Variants in KLF2 observed in about 807,000 individuals in gnomAD.
KLF2 encodes the protein Krueppel-like factor 2.
A neutral mutation model predicts 22.2 loss-of-function variants in KLF2; 9 were observed. That is an observed-to-expected ratio of 0.40 (90% CI 0.24 to 0.71). KLF2 has a LOEUF of 0.71. Ranked by LOEUF, KLF2 falls within the 30% of genes least tolerant of loss-of-function variation. KLF2 has a pLI of 0.35. For synonymous variants in KLF2, 299 were observed against 264.2 expected (o/e 1.13, Z -1.28); for missense variants, 481 against 542.1 (o/e 0.89, Z 1.12).
At position 16,327,091 on chromosome 19, in the gene KLF2, C is replaced by T. The variant is rs1161512818; in HGVS notation, c.*60C>T. 7 of 1,442,472 alleles carry T rather than the reference C, an allele frequency of 4.9e-6. No homozygotes were observed. The highest frequency in any genetic ancestry group is 6.4e-6 in the Non-Finnish European group (7 of 1,086,822). 89.4% of individuals were successfully genotyped at this position (1,442,472 alleles called of 1,614,324 possible). A position where few individuals can be genotyped will look rare whatever the true frequency, so the allele number is the denominator to read the frequency against. On this transcript the variant is annotated 3_prime_UTR_variant, in exon 3 of 3. Coordinates refer to ENST00000248071, the MANE Select transcript of KLF2 (RefSeq NM_016270.4). ...GCGGGTCCCACGCGCCGGGCGCGGC[C>T]CCCTCCCAAACTGTGACTGGTATTT...
Position 16,325,499 on chromosome 19 carries a change from TG to T in KLF2, c.361del (p.Val121SerfsTer20). On this transcript the variant is annotated frameshift_variant, in exon 2 of 3. Coordinates refer to ENST00000248071, the MANE Select transcript of KLF2 (RefSeq NM_016270.4). LOFTEE classifies it high-confidence loss of function. ...GRFLLAPPGR[L>X]VKAEPPEADG... is the part of the protein sequence containing the mutation. ...TTTCTGCTGGCGCCGCCCGGCCGCCTGGTCAAGGCCGAGCCCCCTGAAGCGG... is the reference window on the plus strand; with the variant it reads ...TTTCTGCTGGCGCCGCCCGGCCGCCTGTCAAGGCCGAGCCCCCTGAAGCGG... The T allele has an allele frequency of 7.5e-7, 1 of 1,341,984 alleles. No homozygotes were observed. The highest frequency in any genetic ancestry group is 1.8e-5 in the South Asian group (1 of 56,192). The allele number at this position is 1,341,984 out of a possible 1,614,324, so 83.1% of individuals were successfully genotyped here.
chr19:16,327,005 G>A lies in KLF2; in HGVS notation c.1042G>A (p.Ala348Thr). Residue 348 changes from alanine (A) to threonine (T), a missense_variant, in exon 3 of 3, where the codon GCG becomes ACG. Physicochemically the swap from Ala to Thr is moderately conservative, Grantham distance 58. Around this residue, in one of 2 missense-constraint regions of KLF2, gnomAD observed 60 missense variants for 107.0 expected, o/e 0.56. Transcript: ENST00000248071. ...DRAFSRSDHL[A>T]LHMKRHM ...TGCCTTCTCGCGCTCCGATCACCTG[G>A]CGCTGCACATGAAACGGCACATGTA... 6.2e-7 allele frequency: 1 copy of A among 1,608,898 alleles called. No individual in the cohort carries two copies.
At position 16,325,446 on chromosome 19, in the gene KLF2, G is replaced by T. The variant is rs1289980169; in HGVS notation, c.306G>T (p.Ala102=). ...VSELLRPELD[A]PLGPALHGRF... ...AGCTGCTGCGACCCGAGCTGGATGCGCCGCTGGGGCCCGCACTGCACGGCC... is the reference window on the plus strand; with the variant it reads ...AGCTGCTGCGACCCGAGCTGGATGCTCCGCTGGGGCCCGCACTGCACGGCC... The change falls in exon 2 of 3, where the codon GCG becomes GCT. Residue 102 remains alanine, a synonymous_variant. Transcript: ENST00000248071. 97 of 1,411,212 alleles carry T rather than the reference G, an allele frequency of 6.9e-5. No individual in the cohort carries two copies. Among genetic ancestry groups the T allele is most frequent in the Non-Finnish European group, 8.8e-5 (96 of 1,091,128 alleles). The allele number at this position is 1,411,212 out of a possible 1,614,324, so 87.4% of individuals were successfully genotyped here.
At chr19:16,326,107 G>A (rs2091889269) in intron 2 of KLF2, 75 bp downstream of exon 2, 29 of 1,429,312 alleles carry the variant, frequency 2.0e-5, no homozygotes, top group Non-Finnish European at 2.7e-5. Context: ...GCGCGCGCCA[G>A]AAAATGAATT....
chr19:16,325,071 G>T (rs1275405792), intron 1 of KLF2, 73 bp downstream of exon 1: 2 of 1,405,020 alleles, frequency 1.4e-6, no homozygotes, highest in East Asian at 5.2e-5. Context: ...CGTGGGCTGC[G>T]GGGTGACAGG....
In KLF2 at chr19:16,328,407, C is replaced by A. The variant is rs1380347052; in HGVS notation, c.*1376C>A. On this transcript the variant is annotated 3_prime_UTR_variant, in exon 3 of 3. Coordinates refer to ENST00000248071, the MANE Select transcript of KLF2 (RefSeq NM_016270.4). ...TCCCCCCAGATTTCACCTGCCACCC[C>A]TCACCTTCCCCATTCTCAGGGGCCC... 6.6e-6 allele frequency among the ~76,000 whole-genome samples: 1 copy of A among 152,156 alleles called. No homozygotes were observed. The highest frequency in any genetic ancestry group is 1.9e-4 in the East Asian group (1 of 5,202).
chr19:16,327,852 AAAC>A lies in KLF2; in HGVS notation c.*822_*824del, dbSNP rs1269302501. ...GGCCTCCTCTACGTTGAAAAAAATA[AAAC>A]TACTTACCTCTTCCTGGAAGCCTCT... On this transcript the variant is annotated 3_prime_UTR_variant, in exon 3 of 3. Coordinates refer to ENST00000248071, the MANE Select transcript of KLF2 (RefSeq NM_016270.4). The A allele has an allele frequency of 2.6e-5, 4 of 152,126 alleles. 1 individual carries two copies. The highest frequency in any genetic ancestry group is 9.7e-5 in the African/African-American group (4 of 41,408). 9.4% of individuals were successfully genotyped at this position (152,126 alleles called of 1,614,324 possible).
Position 16,326,746 on chromosome 19 carries a change from CG to C in KLF2, c.893-106del. The C allele has an allele frequency of 5.5e-6, 6 of 1,082,290 alleles. No homozygotes were observed. The South Asian group carries it at 8.8e-5, about 16-fold the overall frequency. The allele number at this position is 1,082,290 out of a possible 1,614,324, so 67.0% of individuals were successfully genotyped here. On this transcript the variant is annotated intron_variant, in intron 2 of 2. Transcript: ENST00000248071. Reference sequence around the variant, plus strand: ...ATCCCTCAGGGGCGCAACACTACCGCGGGGAGCGCGTCAAGGCCCTGGTTAG... The same window carrying C: ...ATCCCTCAGGGGCGCAACACTACCGCGGGAGCGCGTCAAGGCCCTGGTTAG...
rs1326070947 is a variant in KLF2 at position 16,325,863 on chromosome 19, T to C, written c.723T>C (p.Gly241=). The change falls in exon 2 of 3, where the codon GGT becomes GGC. Residue 241 remains glycine (G), a synonymous_variant. Coordinates refer to ENST00000248071, the MANE Select transcript of KLF2 (RefSeq NM_016270.4). The part of the protein sequence containing the change: ...ALGLAPPAAR[G]LLTPPASPLE... ...GCCTGGCGCCCCCCGCCGCCCGCGG[T>C]CTCCTCACGCCGCCTGCGTCCCCGC... is the stretch of plus-strand genomic sequence containing the variant. The C allele has an allele frequency of 5.6e-6, 8 of 1,427,576 alleles. No individual in the cohort carries two copies. The Admixed American group carries it at 2.1e-4, about 37-fold the overall frequency. 88.4% of individuals were successfully genotyped at this position (1,427,576 alleles called of 1,614,324 possible).
In KLF2 at chr19:16,324,981, G is replaced by A; in HGVS notation, c.58G>A (p.Glu20Lys). ...SFSTFASPCR[E>K]RGLQERWPRA... ...CTCCACTTTCGCCAGCCCGTGCCGC[G>A]AGCGCGGCCTGCAGGAGGTGAGGGC... is the stretch of plus-strand genomic sequence containing the variant. Residue 20 changes from glutamate to lysine, a missense_variant, in exon 1 of 3, where the codon GAG becomes AAG. By Grantham distance (56) the Glu-to-Lys change is moderately conservative (BLOSUM62 1). Transcript: ENST00000248071. 1 of 1,600,692 alleles carries A rather than the reference G, an allele frequency of 6.2e-7. No homozygotes were observed. Among genetic ancestry groups the A allele is most frequent in the Non-Finnish European group, 8.5e-7 (1 of 1,174,880 alleles).
Position 16,325,745 on chromosome 19 carries a change from T to C in KLF2, c.605T>C (p.Phe202Ser). 8.2e-7 allele frequency: 1 copy of C among 1,219,830 alleles called. No individual in the cohort carries two copies. Among genetic ancestry groups the C allele is most frequent in the Non-Finnish European group, 1.0e-6 (1 of 983,840 alleles). 75.6% of individuals were successfully genotyped at this position (1,219,830 alleles called of 1,614,324 possible). Residue 202 changes from phenylalanine (F) to serine (S), a missense_variant, in exon 2 of 3, where the codon TTC (phenylalanine) becomes TCC (serine). Phe to Ser is a radical substitution (Grantham distance 155). Transcript: ENST00000248071. ...CCGCCGCCTTTCGGTGGCCCTGGTT[T>C]CGGCGCGCCCGGGCCCGGCCTGCAT... ...SFPPPFGGPG[F>S]GAPGPGLHYA... is the part of the protein sequence containing the mutation.
Position 16,325,659 on chromosome 19 carries a change from A to C in KLF2, c.519A>C (p.Thr173=). The part of the protein sequence containing the change: ...PGGRPPPPPD[T]PPLSPDGPAR... Reference sequence around the variant, plus strand: ...GCCGCCCCCCGCCGCCGCCCGACACACCGCCGCTCAGCCCCGACGGCCCCG... The same window carrying C: ...GCCGCCCCCCGCCGCCGCCCGACACCCCGCCGCTCAGCCCCGACGGCCCCG... The change falls in exon 2 of 3, where the codon ACA becomes ACC. Residue 173 remains threonine, a synonymous_variant. Transcript: ENST00000248071. 9.3e-7 allele frequency: 1 copy of C among 1,074,434 alleles called. No homozygotes were observed. The highest frequency in any genetic ancestry group is 1.1e-6 in the Non-Finnish European group (1 of 892,642). 66.6% of individuals were successfully genotyped at this position (1,074,434 alleles called of 1,614,324 possible). A position where few individuals can be genotyped will look rare whatever the true frequency, so the allele number is the denominator to read the frequency against.
Position 16,325,744 on chromosome 19 carries a change from T to G in KLF2, c.604T>G (p.Phe202Val), listed in dbSNP as rs2091887675. ...SFPPPFGGPGFGAPGPGLHYA... is the reference protein window; with the variant it reads ...SFPPPFGGPGVGAPGPGLHYA... ...CCCGCCGCCTTTCGGTGGCCCTGGT[T>G]TCGGCGCGCCCGGGCCCGGCCTGCA... The change falls in exon 2 of 3, where the codon TTC becomes GTC. Residue 202 changes from phenylalanine to valine, a missense_variant. Transcript: ENST00000248071. 50 of 1,218,678 alleles carry G rather than the reference T, an allele frequency of 4.1e-5. No individual in the cohort carries two copies. Among genetic ancestry groups the G allele is most frequent in the Non-Finnish European group, 4.9e-5 (48 of 983,280 alleles). The allele number at this position is 1,218,678 out of a possible 1,614,324, so 75.5% of individuals were successfully genotyped here.
chr19:16,325,329 G>GCCGCCGCCGCCGCCC lies in KLF2; in HGVS notation c.198_212dup (p.Pro67_Pro71dup), dbSNP rs2091885102. 5 of 1,463,064 alleles carry GCCGCCGCCGCCGCCC rather than the reference G, an allele frequency of 3.4e-6. No homozygotes were observed. Among genetic ancestry groups the GCCGCCGCCGCCGCCC allele is most frequent in the Non-Finnish European group, 4.5e-6 (5 of 1,112,304 alleles). 90.6% of individuals were successfully genotyped at this position (1,463,064 alleles called of 1,614,324 possible). A position where few individuals can be genotyped will look rare whatever the true frequency, so the allele number is the denominator to read the frequency against. ...GCCTGGGCGCCGAGGCCGCCCCGGA[G>GCCGCCGCCGCCGCCC]CCGCCGCCGCCGCCCCCGCCGCCTG... On this transcript the variant is annotated inframe_insertion, in exon 2 of 3. Transcript: ENST00000248071.
At position 16,325,709 on chromosome 19, in the gene KLF2, G is replaced by T. The variant is rs1169935730; in HGVS notation, c.569G>T (p.Arg190Leu). Residue 190 changes from arginine (R) to leucine (L), a missense_variant, in exon 2 of 3, where the codon CGC (arginine) becomes CTC (leucine). Arg to Leu is a moderately radical substitution (Grantham distance 102). This residue lies in a region of KLF2 where 421 missense variants were observed against 435.1 expected (regional missense o/e 0.97). Coordinates refer to ENST00000248071, the MANE Select transcript of KLF2 (RefSeq NM_016270.4). ...GPARLPAPGP[R>L]ASFPPPFGGP... ...GCGCGCCTGCCCGCGCCCGGTCCGC[G>T]CGCCTCCTTCCCGCCGCCTTTCGGT... The T allele has an allele frequency of 2.5e-6, 3 of 1,176,564 alleles. No homozygotes were observed. Among genetic ancestry groups the T allele is most frequent in the Non-Finnish European group, 3.1e-6 (3 of 956,164 alleles). The allele number at this position is 1,176,564 out of a possible 1,614,324, so 72.9% of individuals were successfully genotyped here. A position where few individuals can be genotyped will look rare whatever the true frequency, so the allele number is the denominator to read the frequency against.
rs2091893453 is a variant in KLF2, at chr19:16,327,347, G to A, written c.*316G>A. ...GATCGAGGCTTGTGATGCCTTGTGAGAAATAAGGGCCTTAATTTGTACTGT... is the reference window on the plus strand; with the variant it reads ...GATCGAGGCTTGTGATGCCTTGTGAAAAATAAGGGCCTTAATTTGTACTGT... On this transcript the variant is annotated 3_prime_UTR_variant, in exon 3 of 3. Coordinates refer to ENST00000248071, the MANE Select transcript of KLF2 (RefSeq NM_016270.4). The A allele has an allele frequency of 3.3e-6, 1 of 299,398 alleles. No homozygotes were observed. The highest frequency in any genetic ancestry group is 2.2e-5 in the African/African-American group (1 of 45,710). The allele number at this position is 299,398 out of a possible 1,614,324, so 18.5% of individuals were successfully genotyped here. A position where few individuals can be genotyped will look rare whatever the true frequency, so the allele number is the denominator to read the frequency against.
Position 16,328,142 on chromosome 19 carries a change from G to T in KLF2, c.*1111G>T, listed in dbSNP as rs1188946828. ...GCAGGGTGGTGGAGTTGGGTTGTTA[G>T]CCTGCTCTGTCTGCCTCCAAGGGTC... On this transcript the variant is annotated 3_prime_UTR_variant, in exon 3 of 3. Transcript: ENST00000248071. 6.6e-6 allele frequency among the ~76,000 whole-genome samples: 1 copy of T among 152,078 alleles called. No homozygotes were observed.
In KLF2 at chr19:16,324,840, G is replaced by T; in HGVS notation, c.-84G>T. On this transcript the variant is annotated 5_prime_UTR_variant, in exon 1 of 3. Transcript: ENST00000248071. Reference sequence around the variant, plus strand: ...GGCCGCGGCCCACAGAGCCGTCCCCGCCCGCCCGCGCCCCGACCAGCCCGG... The same window carrying T: ...GGCCGCGGCCCACAGAGCCGTCCCCTCCCGCCCGCGCCCCGACCAGCCCGG... 8.5e-7 allele frequency: 1 copy of T among 1,175,996 alleles called. No homozygotes were observed. The highest frequency in any genetic ancestry group is 1.4e-5 in the South Asian group (1 of 71,824). The allele number at this position is 1,175,996 out of a possible 1,614,324, so 72.8% of individuals were successfully genotyped here.
chr19:16,326,101 G>A (rs931359115), intron 2 of KLF2, 69 bp downstream of exon 2: 15 of 1,451,626 alleles, frequency 1.0e-5, no homozygotes, highest in Admixed American at 2.1e-5. Context: ...TTCCCAGCGC[G>A]CGCCAGAAAA....
Sources: allele counts gnomAD v4.1 joint callset (sites outside exome capture counted in the v4.1 genomes callset), GRCh38; gene constraint gnomAD v4.1.1; regional missense constraint gnomAD v4.1.1; transcripts MANE v1.5; gene names NCBI Gene and HGNC (gene_info 2026-07-23, HGNC 2026-07-21).